NECAP1: variants seen among roughly 807,000 people sequenced by gnomAD.
NECAP1 encodes the protein adaptin ear-binding coat-associated protein 1.
In NECAP1, 13 loss-of-function variants were observed where a neutral mutation model predicts 33.4. That is an observed-to-expected ratio of 0.39 (90% CI 0.25 to 0.62). The LOEUF is 0.62. Among genes scored for constraint, NECAP1 ranks in the 20% least tolerant of loss-of-function variants. The probability of loss-of-function intolerance (pLI) is 0.52; values close to 1 mark genes in which losing one functional copy is unlikely to be tolerated. For synonymous variants in NECAP1, 109 were observed against 125.2 expected, an observed-to-expected ratio of 0.87 and a Z score of 0.86; for missense variants, 272 against 347.4, an observed-to-expected ratio of 0.78 and a Z score of 1.73.
In NECAP1 at chr12:8,092,770, A is replaced by G; in HGVS notation, c.478A>G (p.Lys160Glu). Residue 160 changes from lysine (K) to glutamate (E), a missense_variant, in exon 5 of 8, where the codon AAG becomes GAG. By Grantham distance (56) the Lys-to-Glu change is moderately conservative. Coordinates refer to ENST00000339754, the MANE Select transcript of NECAP1 (RefSeq NM_015509.4). Reference protein sequence around the residue: ...DLGFKEGQTIKLCIGNITNKK... With the variant: ...DLGFKEGQTIELCIGNITNKK... ...GGGCTTCAAGGAAGGACAAACCATC[A>G]AGTTGTGTATCGGGGTGAGTATGGT... 11 of 1,613,620 alleles carry G rather than the reference A, an allele frequency of 6.8e-6. No homozygotes were observed. Among genetic ancestry groups the G allele is most frequent in the Non-Finnish European group, 9.3e-6 (11 of 1,179,576 alleles).
intron 4 of NECAP1, chr12:8,092,446 G>T (rs1947558097): frequency 2.2e-6 from 1 of 453,008 alleles, no homozygotes; most frequent in East Asian, 3.8e-5. Context: ...CATCCTTCTG[G>T]AAGGGGCAAT....
intron 3 of NECAP1, chr12:8,091,385 A>C (rs956644296): frequency 4.2e-5 from 9 of 216,602 alleles, no homozygotes; most frequent in African/African-American, 2.1e-4. Context: ...ATAATTATAC[A>C]ACTCACTATA....
intron 6 of NECAP1, chr12:8,095,170 A>G (rs894271642): frequency 1.8e-5 from 3 of 165,842 alleles, no homozygotes; most frequent in African/African-American, 7.3e-5. Context: ...TTTGACCATT[A>G]TGAATAAAGC....
intron 1 of NECAP1, among the ~76,000 whole-genome samples, chr12:8,087,756 TTAATA>T (rs981309764): frequency 7.9e-5 from 12 of 152,094 alleles, no homozygotes; most frequent in Non-Finnish European, 2.9e-5. Context: ...TAATAACTCA[TTAATA>T]TAATAGATGA....
chr12:8,084,486 G>A (rs1203140467), intron 1 of NECAP1, among the ~76,000 whole-genome samples: 1 of 151,668 alleles, frequency 6.6e-6, no homozygotes, highest in African/African-American at 2.4e-5. Flanking sequence ...GAATGTGCAG[G>A]TTTGTTACAT....
At chr12:8,091,637 T>C in intron 3 of NECAP1, 132 bp from the exon 4 acceptor site, 1 of 717,662 alleles carries the variant, frequency 1.4e-6, no homozygotes, top group Non-Finnish European at 2.4e-6. Context: ...ACAATGAAGC[T>C]TTGCTCTCTC....
chr12:8,088,318 T>C (rs189934753), intron 1 of NECAP1, among the ~76,000 whole-genome samples: 1 of 152,322 alleles, frequency 6.6e-6, no homozygotes, highest in Admixed American at 6.5e-5. Flanking sequence ...CTAGATGTGT[T>C]CCTTCTCATC....
At chr12:8,087,454 G>A (rs771738446) in intron 1 of NECAP1, among the ~76,000 whole-genome samples, 3 of 150,558 alleles carry the variant, frequency 2.0e-5, no homozygotes, top group African/African-American at 4.9e-5. Context: ...GTTAAGTATC[G>A]GACACTAGAT....
Position 8,097,110 on chromosome 12 carries a change from G to A in NECAP1, c.*1020G>A, listed in dbSNP as rs1947601450. The A allele has an allele frequency of 6.6e-6, 1 of 152,568 alleles. No individual in the cohort carries two copies. Among genetic ancestry groups the A allele is most frequent in the Non-Finnish European group, 1.5e-5 (1 of 68,026 alleles). The allele number at this position is 152,568 out of a possible 1,614,324, so 9.5% of individuals were successfully genotyped here. A position where few individuals can be genotyped will look rare whatever the true frequency, so the allele number is the denominator to read the frequency against. ...TCATGTAGTTCTTTAATAGAAAGCT[G>A]CTATTATGTATATTGTCATTTGTGA... On this transcript the variant is annotated 3_prime_UTR_variant, in exon 8 of 8. Coordinates refer to ENST00000339754, the MANE Select transcript of NECAP1 (RefSeq NM_015509.4).
intron 1 of NECAP1, among the ~76,000 whole-genome samples, chr12:8,084,347 C>T (rs1018851135): frequency 3.3e-5 from 5 of 152,160 alleles, no homozygotes; most frequent in Non-Finnish European, 5.9e-5. Context: ...CTATATGAGT[C>T]ACTTAAACAT....
At chr12:8,087,470 A>G (rs1947502334) in intron 1 of NECAP1, among the ~76,000 whole-genome samples, 1 of 151,202 alleles carries the variant, frequency 6.6e-6, no homozygotes, top group South Asian at 2.1e-4. Context: ...TAGATACACA[A>G]GAGAAATAAG....
chr12:8,097,078 T>A lies in NECAP1; in HGVS notation c.*988T>A, dbSNP rs2120499699. The A allele has an allele frequency of 6.5e-6, 1 of 152,752 alleles. No individual in the cohort carries two copies. Among genetic ancestry groups the A allele is most frequent in the South Asian group, 2.1e-4 (1 of 4,828 alleles). The allele number at this position is 152,752 out of a possible 1,614,324, so 9.5% of individuals were successfully genotyped here. A position where few individuals can be genotyped will look rare whatever the true frequency, so the allele number is the denominator to read the frequency against. On this transcript the variant is annotated 3_prime_UTR_variant, in exon 8 of 8. Transcript: ENST00000339754. ...CTGGCCCCTTTCCATAAACATTTCT[T>A]TTCAGTTCATGTAGTTCTTTAATAG...
chr12:8,086,800 A>C (rs1213037043), intron 1 of NECAP1, among the ~76,000 whole-genome samples: 2 of 151,822 alleles, frequency 1.3e-5, no homozygotes, highest in South Asian at 4.2e-4. Flanking sequence ...TTAGCTGGGC[A>C]TGGTGGCCTG....
chr12:8,082,770 TCTCTCACACACACACACACACA>T (rs1280447256), intron 1 of NECAP1: 13 of 116,528 alleles, frequency 1.1e-4, no homozygotes, highest in South Asian at 3.1e-4. Flanking sequence ...TCTCTCTCTC[TCTCTCACACACACACACACACA>T]CACACACACA....
At chr12:8,094,307 C>T (rs1471898843) in intron 6 of NECAP1, among the ~76,000 whole-genome samples, 1 of 152,038 alleles carries the variant, frequency 6.6e-6, no homozygotes, top group Non-Finnish European at 1.5e-5. Flanking sequence ...TACCCTTTTC[C>T]CAGTTTCCCT....
intron 4 of NECAP1, 127 bp downstream of exon 4, chr12:8,091,977 A>G: frequency 1.2e-6 from 1 of 812,090 alleles, no homozygotes; most frequent in South Asian, 1.7e-5. Flanking sequence ...GTGAATATAA[A>G]TCTCCCCATT....
chr12:8,087,115 C>G (rs972060069), intron 1 of NECAP1, among the ~76,000 whole-genome samples: 2 of 151,708 alleles, frequency 1.3e-5, no homozygotes, highest in East Asian at 3.9e-4. Flanking sequence ...TAAAGTTAGG[C>G]ATTATTACTT....
chr12:8,084,056 A>C (rs2120456084), intron 1 of NECAP1, among the ~76,000 whole-genome samples: 1 of 152,132 alleles, frequency 6.6e-6, no homozygotes, highest in East Asian at 1.9e-4. Context: ...TACTGTTCTT[A>C]TTCTTCTCTC....
chr12:8,093,528 A>G (rs893813972), intron 6 of NECAP1: 1 of 159,296 alleles, frequency 6.3e-6, no homozygotes, highest in African/African-American at 2.4e-5. Context: ...GGAGTTTGAG[A>G]TCAGCCTGGG....
Sources: gnomAD v4.1 joint callset for allele counts (sites outside exome capture counted in the v4.1 genomes callset) on GRCh38, gnomAD v4.1.1 for gene constraint, MANE v1.5 for transcripts, NCBI Gene and HGNC (gene_info 2026-07-23, HGNC 2026-07-21) for gene names.